Variants in CHD9 observed in about 807,000 individuals in gnomAD.
The protein encoded by CHD9 is chromodomain helicase DNA binding protein 9, also known as ATP-dependent chromatin remodeler CHD9.
CHD9 carries 77 observed loss-of-function variants against 316.1 expected under a neutral mutation model. The observed-to-expected ratio is 0.24, with a 90% CI of 0.20 to 0.29. The LOEUF (loss-of-function observed/expected upper bound fraction) is 0.29. CHD9 is among the 10% of genes least tolerant of loss of function. The pLI, the probability that CHD9 is intolerant of heterozygous loss-of-function variation, is 1.00. For synonymous variants in CHD9, 1,129 were observed against 1,158.3 expected (o/e 0.97, Z 0.51); for missense variants, 2,763 against 3,438.1 (o/e 0.80, Z 4.91).
intron 11 of CHD9, 46 bp downstream of exon 11, chr16:53,235,352 G>A: frequency 7.6e-7 from 1 of 1,321,004 alleles, no homozygotes; most frequent in Non-Finnish European, 1.0e-6. Context: ...TTTAATGTGT[G>A]CCAAAATGTG....
At chr16:53,133,988 A>T (rs979329344) in intron 1 of CHD9, among the ~76,000 whole-genome samples, 1 of 152,194 alleles carries the variant, frequency 6.6e-6, no homozygotes, top group African/African-American at 2.4e-5. Flanking sequence ...TTTGGTACAT[A>T]TGAAAAGTTA....
intron 1 of CHD9, among the ~76,000 whole-genome samples, chr16:53,078,463 G>C (rs1340997695): frequency 6.6e-6 from 1 of 152,150 alleles, no homozygotes; most frequent in East Asian, 1.9e-4. Flanking sequence ...CAAGGTGCTG[G>C]TGGTATGCCA....
In CHD9 at chr16:53,231,780, G is replaced by A. The variant is rs780017286; in HGVS notation, c.2507G>A (p.Arg836His). The change falls in exon 10 of 39, where the codon CGT (arginine) becomes CAT (histidine). Residue 836 changes from arginine to histidine, a missense_variant. Transcript: ENST00000447540. ...QLQASRPDTR[R>H]LDRPPSNIWK... ...CAAGCTTCAAGGCCTGACACAAGAC[G>A]TTTGGTAAGAACCTGTTTTAGACAG... 1.7e-5 allele frequency: 27 copies of A among 1,595,948 alleles called. No individual in the cohort carries two copies. The Middle Eastern group carries it at 6.7e-4, about 40-fold the overall frequency.
At chr16:53,289,180 TAAAG>T (rs2054127177) in intron 27 of CHD9, among the ~76,000 whole-genome samples, 1 of 151,906 alleles carries the variant, frequency 6.6e-6, no homozygotes, top group Admixed American at 6.6e-5. Flanking sequence ...TTAAAGACAT[TAAAG>T]AAAGAACCAG....
intron 19 of CHD9, among the ~76,000 whole-genome samples, chr16:53,256,519 C>A (rs1335365370): frequency 2.7e-5 from 4 of 149,608 alleles, no homozygotes; most frequent in African/African-American, 9.8e-5. Context: ...GACGGGGTTT[C>A]GCCATGTTAG....
At chr16:53,187,791 T>C (rs1481897900) in intron 2 of CHD9, among the ~76,000 whole-genome samples, 3 of 152,156 alleles carry the variant, frequency 2.0e-5, no homozygotes, top group African/African-American at 4.8e-5. Flanking sequence ...TTGTATATTA[T>C]GGAGGAACAG....
chr16:53,258,187 C>T (rs1400379839), intron 19 of CHD9, among the ~76,000 whole-genome samples: 1 of 152,140 alleles, frequency 6.6e-6, no homozygotes, highest in Non-Finnish European at 1.5e-5. Flanking sequence ...GAACAATTAA[C>T]CTCTTTGAGT....
rs1484788486 is a variant in CHD9 at position 53,084,721 on chromosome 16, A to AGTG, written c.-165+29644_-165+29645insGTG. Among the ~76,000 whole-genome samples, 7 of 152,330 alleles carry AGTG rather than the reference A, an allele frequency of 4.6e-5. No individual in the cohort carries two copies. The East Asian group carries it at 1.4e-3, about 29-fold the overall frequency. On this transcript the variant is annotated intron_variant, in intron 1 of 38. Coordinates refer to ENST00000447540, the MANE Select transcript of CHD9 (RefSeq NM_001308319.2). ...TCACGCCACTGCACTCCAGCCTGGC[A>AGTG]ACAGAGTGAGACTTCGTCTCAAAAC...
chr16:53,136,047 A>G (rs181634570), intron 1 of CHD9, among the ~76,000 whole-genome samples: 2 of 152,216 alleles, frequency 1.3e-5, no homozygotes, highest in Non-Finnish European at 2.9e-5. Flanking sequence ...ATAATTTATA[A>G]TTTTTAATGA....
intron 16 of CHD9, chr16:53,247,815 A>G (rs1355558952): frequency 9.2e-6 from 2 of 216,698 alleles, no homozygotes. Flanking sequence ...CTTTAAATAG[A>G]TATATATTTA....
At chr16:53,164,977 A>G (rs2042174707) in intron 2 of CHD9, among the ~76,000 whole-genome samples, 1 of 152,076 alleles carries the variant, frequency 6.6e-6, no homozygotes, top group Non-Finnish European at 1.5e-5. Flanking sequence ...TTTTTATAAG[A>G]TTATGTGTAA....
intron 1 of CHD9, among the ~76,000 whole-genome samples, chr16:53,080,597 G>A (rs1029911137): frequency 1.3e-5 from 2 of 152,146 alleles, no homozygotes; most frequent in African/African-American, 4.8e-5. Context: ...TTCAGTTCTT[G>A]CTACAAGAAA....
At chr16:53,306,875 G>A (rs961548431) in intron 32 of CHD9, among the ~76,000 whole-genome samples, 1 of 152,070 alleles carries the variant, frequency 6.6e-6, no homozygotes. Flanking sequence ...CGCCTCCCAG[G>A]TTCATGCAGT....
At position 53,263,014 on chromosome 16, in the gene CHD9, A is replaced by G. The variant is rs1444564357; in HGVS notation, c.4237A>G (p.Thr1413Ala). Residue 1413 changes from threonine (T) to alanine (A), a missense_variant, in exon 20 of 39, where the codon ACA becomes GCA. Around this residue, in one of 15 missense-constraint regions of CHD9, gnomAD observed 199 missense variants for 251.7 expected, o/e 0.79. Coordinates refer to ENST00000447540, the MANE Select transcript of CHD9 (RefSeq NM_001308319.2). ...KASFVASGNR[T>A]DISLDDPNFW... is the part of the protein sequence containing the mutation. ...GAGTTTTGTGGCATCTGGAAACCGG[A>G]CAGATATTTCTTTAGATGATCCCAA... 6.2e-7 allele frequency: 1 copy of G among 1,612,850 alleles called. No individual in the cohort carries two copies. Among genetic ancestry groups the G allele is most frequent in the Non-Finnish European group, 8.5e-7 (1 of 1,179,198 alleles).
At chr16:53,130,591 C>T (rs1432814165) in intron 1 of CHD9, among the ~76,000 whole-genome samples, 1 of 150,458 alleles carries the variant, frequency 6.6e-6, no homozygotes, top group Non-Finnish European at 1.5e-5. Context: ...GCGCTCCGGC[C>T]AGAGGGCGCC....
At position 53,107,024 on chromosome 16, in the gene CHD9, C is replaced by T. The variant is rs74592876; in HGVS notation, c.-164-48902C>T. Reference sequence around the variant, plus strand: ...GAATAAGAGTACACTACCACACACACAAAAAGGCATCTTTACAATATGTAG... The same window carrying T: ...GAATAAGAGTACACTACCACACACATAAAAAGGCATCTTTACAATATGTAG... On this transcript the variant is annotated intron_variant, in intron 1 of 38. Coordinates refer to ENST00000447540, the MANE Select transcript of CHD9 (RefSeq NM_001308319.2). Among the ~76,000 whole-genome samples, 1,051 of 152,236 alleles carry T rather than the reference C, an allele frequency of 6.9e-3. 10 individuals are homozygous for T. Among genetic ancestry groups the T allele is most frequent in the African/African-American group, 0.024 (1,012 of 41,532 alleles).
intron 1 of CHD9, among the ~76,000 whole-genome samples, chr16:53,088,481 T>C (rs916599792): frequency 6.6e-6 from 1 of 151,848 alleles, no homozygotes; most frequent in African/African-American, 2.4e-5. Flanking sequence ...GGTTTCACTG[T>C]GTTAGCCAGG....
At chr16:53,313,570 T>G (rs1022849925) in intron 34 of CHD9, among the ~76,000 whole-genome samples, 4 of 152,110 alleles carry the variant, frequency 2.6e-5, no homozygotes, top group African/African-American at 9.7e-5. Context: ...CCTTCCAAAG[T>G]GCTGGGATTA....
At position 53,263,138 on chromosome 16, in the gene CHD9, A is replaced by T. The variant is rs767092158; in HGVS notation, c.4320+41A>T. 2.1e-6 allele frequency: 3 copies of T among 1,423,372 alleles called. No individual in the cohort carries two copies. In the African/African-American group the frequency reaches 4.3e-5, roughly 20 times the overall value. The allele number at this position is 1,423,372 out of a possible 1,614,324, so 88.2% of individuals were successfully genotyped here. A position where few individuals can be genotyped will look rare whatever the true frequency, so the allele number is the denominator to read the frequency against. Reference sequence around the variant, plus strand: ...CCTCTAAAATAAACTTGCTTTTGGGATACTTTGGCAATAGTATTGTAATAT... The same window carrying T: ...CCTCTAAAATAAACTTGCTTTTGGGTTACTTTGGCAATAGTATTGTAATAT... On this transcript the variant is annotated intron_variant, in intron 20 of 38. Coordinates refer to ENST00000447540, the MANE Select transcript of CHD9 (RefSeq NM_001308319.2).
Sources: gnomAD v4.1 joint callset for allele counts (sites outside exome capture counted in the v4.1 genomes callset) on GRCh38, gnomAD v4.1.1 for gene constraint, gnomAD v4.1.1 regional missense constraint, MANE v1.5 for transcripts, NCBI Gene and HGNC (gene_info 2026-07-23, HGNC 2026-07-21) for gene names.